TRANK1: variants seen among roughly 807,000 people sequenced by gnomAD.
TRANK1 encodes the protein tetratricopeptide repeat and ankyrin repeat containing 1, also known as TPR and ankyrin repeat-containing protein 1.
TRANK1 carries 198 observed loss-of-function variants against 266.0 expected under a neutral mutation model. That is an observed-to-expected ratio of 0.74 (90% CI 0.66 to 0.84). The LOEUF (loss-of-function observed/expected upper bound fraction) is 0.84, where lower values mean the gene tolerates loss of function less well. TRANK1 is among the 40% of genes least tolerant of loss of function. The pLI is 0.00. For missense variants in TRANK1, 3,326 were observed against 3,634.6 expected (o/e 0.92, Z 2.18); for synonymous variants, 1,396 against 1,384.1 (o/e 1.01, Z -0.19).
intron 1 of TRANK1, among the ~76,000 whole-genome samples, chr3:36,919,021 T>C (rs903366460): frequency 1.3e-5 from 2 of 152,146 alleles, no homozygotes; most frequent in Non-Finnish European, 2.9e-5. Flanking sequence ...TATTATGCAA[T>C]AAGGATATGT....
intron 20 of TRANK1, among the ~76,000 whole-genome samples, chr3:36,837,579 G>T (rs2078787286): frequency 6.6e-6 from 1 of 152,168 alleles, no homozygotes; most frequent in African/African-American, 2.4e-5. Context: ...TGTGGTAAGG[G>T]ACCAAATCAT....
At position 36,853,203 on chromosome 3, in the gene TRANK1, C is replaced by A. The variant is rs555235720; in HGVS notation, c.4550-858G>T. Among the ~76,000 whole-genome samples the A allele has an allele frequency of 2.7e-3, 404 of 152,304 alleles. 1 individual carries two copies. Among genetic ancestry groups the A allele is most frequent in the Non-Finnish European group, 3.6e-3 (244 of 68,028 alleles). Reference sequence around the variant, plus strand: ...CAACAATGCAGTGAGACAGATGAGACAATTGCACTTTTACAAACAGGAACT... The same window carrying A: ...CAACAATGCAGTGAGACAGATGAGAAAATTGCACTTTTACAAACAGGAACT... On this transcript the variant is annotated intron_variant, in intron 13 of 23. Transcript: ENST00000645898.
chr3:36,928,345 T>C (rs2080316939), intron 1 of TRANK1, among the ~76,000 whole-genome samples: 1 of 152,216 alleles, frequency 6.6e-6, no homozygotes, highest in African/African-American at 2.4e-5. Context: ...TGACTAGCTG[T>C]TGAGAATTTT....
intron 9 of TRANK1, 98 bp from the exon 10 acceptor site, chr3:36,864,578 A>C: frequency 1.7e-6 from 2 of 1,182,346 alleles, no homozygotes; most frequent in Non-Finnish European, 2.3e-6. Context: ...ACATACTCAC[A>C]TGCTGTGCAG....
chr3:36,940,878 G>T (rs1199333251), intron 1 of TRANK1, among the ~76,000 whole-genome samples: 1 of 152,224 alleles, frequency 6.6e-6, no homozygotes, highest in Non-Finnish European at 1.5e-5. Context: ...TAGAGAAACA[G>T]TCTGGGGGCC....
intron 8 of TRANK1, among the ~76,000 whole-genome samples, chr3:36,875,457 C>G (rs1223373369): frequency 1.3e-5 from 2 of 152,238 alleles, no homozygotes; most frequent in Non-Finnish European, 2.9e-5. Flanking sequence ...GATTCTTCCA[C>G]AACCATGTGA....
chr3:36,935,727 G>A (rs367872138), intron 1 of TRANK1, among the ~76,000 whole-genome samples: 3 of 152,120 alleles, frequency 2.0e-5, no homozygotes, highest in Non-Finnish European at 2.9e-5. Context: ...GATTACAGGC[G>A]TGAGTCACCG....
Position 36,832,504 on chromosome 3 carries a change from CT to C in TRANK1, c.7078del (p.Arg2360GlyfsTer6). ...TTCAGACTCTAGAGCTTTGAGTTCC[CT>C]GTTGTAGTTGTCCTCCTCCTGGTGG... ...LLHQEEDNYN[R>X]ELKALESEKD... is the part of the protein sequence containing the mutation. On this transcript the variant is annotated frameshift_variant, in exon 22 of 24. Transcript: ENST00000645898. LOFTEE classifies it high-confidence loss of function. 6.2e-7 allele frequency: 1 copy of C among 1,613,944 alleles called. No individual in the cohort carries two copies. The highest frequency in any genetic ancestry group is 8.5e-7 in the Non-Finnish European group (1 of 1,179,884).
At chr3:36,887,107 T>C (rs146230772) in intron 8 of TRANK1, among the ~76,000 whole-genome samples, 365 of 152,108 alleles carry the variant, frequency 2.4e-3, no homozygotes, top group Middle Eastern at 0.01. Context: ...TTTTTGTAAA[T>C]CAAAGAGTCA....
At chr3:36,939,920 T>A (rs7619703) in intron 1 of TRANK1, among the ~76,000 whole-genome samples, 92,530 of 151,508 alleles carry the variant, frequency 0.61, 28,711 homozygotes, top group African/African-American at 0.67. Context: ...AGACGGAGTC[T>A]TGCTTTGTAG....
intron 2 of TRANK1, among the ~76,000 whole-genome samples, chr3:36,903,781 C>A (rs979166731): frequency 1.6e-4 from 24 of 152,156 alleles, no homozygotes; most frequent in Admixed American, 1.1e-3. Flanking sequence ...CCCTTTAAAG[C>A]GCAGCAGGGC....
Position 36,838,324 on chromosome 3 carries a change from A to C in TRANK1, c.5517+48T>G, listed in dbSNP as rs750780551. On this transcript the variant is annotated intron_variant, in intron 20 of 23. Transcript: ENST00000645898. ...GTCGAGCCTACCCCTCAATCTGCTC[A>C]AGTGAAGCCCAGTTTTCCCTGGAGC... The C allele has an allele frequency of 3.1e-6, 5 of 1,607,550 alleles. No individual in the cohort carries two copies. In the South Asian group the frequency reaches 5.5e-5, roughly 18 times the overall value.
At chr3:36,851,004 A>G (rs1241359475) in intron 15 of TRANK1, 2 of 985,504 alleles carry the variant, frequency 2.0e-6, no homozygotes, top group Non-Finnish European at 2.4e-6. Flanking sequence ...AGATAGTGGG[A>G]AAGAGAAAAC....
chr3:36,881,409 A>G (rs1440348990), intron 8 of TRANK1, among the ~76,000 whole-genome samples: 1 of 152,016 alleles, frequency 6.6e-6, no homozygotes, highest in Non-Finnish European at 1.5e-5. Flanking sequence ...AGATCGCACC[A>G]CTGCACTCCA....
At chr3:36,854,355 A>G (rs751481718) in intron 13 of TRANK1, among the ~76,000 whole-genome samples, 3 of 140,528 alleles carry the variant, frequency 2.1e-5, no homozygotes, top group Non-Finnish European at 4.7e-5. Context: ...GCAAGACTCT[A>G]TCTGAAAAAA....
chr3:36,884,182 G>A (rs1285983274), intron 8 of TRANK1, among the ~76,000 whole-genome samples: 1 of 152,208 alleles, frequency 6.6e-6, no homozygotes, highest in Admixed American at 6.5e-5. Context: ...GACATATGCA[G>A]AGAGATACAA....
At chr3:36,886,947 C>CAAAGG in intron 8 of TRANK1, among the ~76,000 whole-genome samples, 2 of 134,584 alleles carry the variant, frequency 1.5e-5, no homozygotes, top group Non-Finnish European at 3.1e-5. Context: ...CGCTCTGTTG[C>CAAAGG]CCAGGCTGTT....
Position 36,833,627 on chromosome 3 carries a change from C to T in TRANK1, c.5956G>A (p.Asp1986Asn). Residue 1986 changes from aspartate to asparagine, a missense_variant, in exon 22 of 24, where the codon GAC becomes AAC. By Grantham distance (23) the Asp-to-Asn change is conservative. Transcript: ENST00000645898. ...LEAARLTADK[D>N]FQASCLLGAA... is the part of the protein sequence containing the mutation. ...CCCAGCAGACATGAGGCCTGGAAGT[C>T]CTTGTCGGCAGTGAGCCTGGCAGCC... The T allele has an allele frequency of 6.2e-7, 1 of 1,613,926 alleles. No individual in the cohort carries two copies. The highest frequency in any genetic ancestry group is 8.5e-7 in the Non-Finnish European group (1 of 1,179,846).
intron 8 of TRANK1, among the ~76,000 whole-genome samples, chr3:36,881,404 G>A (rs575293467): frequency 1.6e-3 from 235 of 151,584 alleles, no homozygotes; most frequent in Non-Finnish European, 2.7e-3. Context: ...AGCAGAGATC[G>A]CACCACTGCA....
Sources: allele counts gnomAD v4.1 joint callset (sites outside exome capture counted in the v4.1 genomes callset), GRCh38; gene constraint gnomAD v4.1.1; transcripts MANE v1.5; gene names NCBI Gene and HGNC (gene_info 2026-07-23, HGNC 2026-07-21).